The following INPP5A variants were observed in gnomAD, a reference collection of about 807,000 sequenced individuals.
INPP5A encodes inositol polyphosphate-5-phosphatase A.
Under a neutral mutation model 65.2 loss-of-function variants are expected in INPP5A, and 14 were observed. The ratio of observed to expected loss-of-function variants is 0.21; its 90% CI spans 0.14 to 0.34. INPP5A has a LOEUF of 0.34. INPP5A is among the 10% of genes least tolerant of loss of function. INPP5A has a pLI of 1.00. For synonymous variants in INPP5A, 207 were observed against 208.3 expected (o/e 0.99, Z 0.05); for missense variants, 431 against 545.6 (o/e 0.79, Z 2.09).
chr10:132,581,541 C>G (rs1490719496), intron 1 of INPP5A, among the ~76,000 whole-genome samples: 1 of 152,128 alleles, frequency 6.6e-6, no homozygotes, highest in Non-Finnish European at 1.5e-5. Context: ...CCTCACCCTT[C>G]CCCCATTTGG....
chr10:132,712,368 T>C (rs928095647), intron 8 of INPP5A, among the ~76,000 whole-genome samples: 12 of 151,952 alleles, frequency 7.9e-5, no homozygotes, highest in African/African-American at 2.9e-4. Flanking sequence ...TGTTCGTGTG[T>C]GCATGTGTGT....
intron 9 of INPP5A, among the ~76,000 whole-genome samples, chr10:132,728,339 G>A (rs893068726): frequency 3.9e-5 from 6 of 152,236 alleles, no homozygotes; most frequent in Admixed American, 3.3e-4. Context: ...CAAATGGATC[G>A]GTCTCTGGCC....
At chr10:132,769,776 G>T (rs1455358145) in intron 12 of INPP5A, among the ~76,000 whole-genome samples, 2 of 151,568 alleles carry the variant, frequency 1.3e-5, no homozygotes, top group Non-Finnish European at 2.9e-5. Flanking sequence ...CTCAACAGCA[G>T]CCCTGCAGCC....
intron 9 of INPP5A, among the ~76,000 whole-genome samples, chr10:132,731,749 G>A (rs1199061788): frequency 6.1e-5 from 9 of 148,664 alleles, no homozygotes; most frequent in Admixed American, 3.4e-4. Context: ...CCTCCAGTGC[G>A]GGTTTCCTCC....
At chr10:132,565,428 C>T (rs986528868) in intron 1 of INPP5A, among the ~76,000 whole-genome samples, 5 of 152,238 alleles carry the variant, frequency 3.3e-5, no homozygotes, top group Admixed American at 3.3e-4. Flanking sequence ...CCCACCTCAA[C>T]ACAACCTTCC....
At chr10:132,648,214 C>T (rs769869776) in intron 3 of INPP5A, among the ~76,000 whole-genome samples, 3 of 152,262 alleles carry the variant, frequency 2.0e-5, no homozygotes, top group East Asian at 1.9e-4. Flanking sequence ...ACCCTGAGCA[C>T]GGAGGACGCC....
chr10:132,601,283 T>A (rs1280573926), intron 1 of INPP5A, among the ~76,000 whole-genome samples: 1 of 152,280 alleles, frequency 6.6e-6, no homozygotes, highest in Non-Finnish European at 1.5e-5. Context: ...ATGTGCACGT[T>A]GACCATTTCA....
chr10:132,728,826 G>A (rs907813100), intron 9 of INPP5A, among the ~76,000 whole-genome samples: 24 of 152,286 alleles, frequency 1.6e-4, no homozygotes, highest in Admixed American at 1.3e-3. Flanking sequence ...GAGCAGCCGC[G>A]GGAGCCTCCC....
intron 2 of INPP5A, among the ~76,000 whole-genome samples, chr10:132,642,650 G>C (rs991061455): frequency 6.6e-6 from 1 of 152,126 alleles, no homozygotes; most frequent in African/African-American, 2.4e-5. Flanking sequence ...GCCTTTGTTG[G>C]GCTTTGCTGA....
At chr10:132,761,652 C>T (rs1433260267) in intron 11 of INPP5A, among the ~76,000 whole-genome samples, 3 of 152,124 alleles carry the variant, frequency 2.0e-5, no homozygotes, top group Non-Finnish European at 4.4e-5. Flanking sequence ...TGGGTGACTC[C>T]AAGCTGTGGG....
chr10:132,730,461 C>T (rs937334912), intron 9 of INPP5A, among the ~76,000 whole-genome samples: 3 of 152,256 alleles, frequency 2.0e-5, no homozygotes, highest in African/African-American at 7.2e-5. Flanking sequence ...TCCCTCACGC[C>T]CTGTCTGCAG....
chr10:132,780,730 G>A (rs1012456258), intron 13 of INPP5A, 119 bp from the exon 14 acceptor site: 9 of 835,190 alleles, frequency 1.1e-5, no homozygotes, highest in African/African-American at 3.3e-5. Flanking sequence ...GGTACTGGCA[G>A]GGGCCGACAT....
intron 1 of INPP5A, among the ~76,000 whole-genome samples, chr10:132,557,391 G>A (rs756721488): frequency 2.0e-5 from 3 of 152,264 alleles, no homozygotes; most frequent in South Asian, 2.1e-4. Flanking sequence ...CCACACCTGC[G>A]CAGTGTCACC....
intron 2 of INPP5A, among the ~76,000 whole-genome samples, chr10:132,613,069 C>T (rs964080136): frequency 6.6e-6 from 1 of 152,210 alleles, no homozygotes; most frequent in African/African-American, 2.4e-5. Context: ...CTCAGGCCGC[C>T]CAGAATCCCC....
intron 9 of INPP5A, among the ~76,000 whole-genome samples, chr10:132,743,538 C>T (rs1243068283): frequency 6.6e-6 from 1 of 152,266 alleles, no homozygotes; most frequent in African/African-American, 2.4e-5. Context: ...CTCTGCCCCT[C>T]CCTCCATTCA....
chr10:132,702,764 AGT>A (rs570398484), intron 6 of INPP5A, among the ~76,000 whole-genome samples: 181 of 152,352 alleles, frequency 1.2e-3, no homozygotes, highest in African/African-American at 4.2e-3. Context: ...CTCGTTCCAC[AGT>A]GTGCTCTGGG....
chr10:132,558,967 G>A (rs2071164146), intron 1 of INPP5A, among the ~76,000 whole-genome samples: 1 of 152,188 alleles, frequency 6.6e-6, no homozygotes, highest in African/African-American at 2.4e-5. Context: ...CCCTGGTCGA[G>A]CCCAGCCAGC....
Position 132,605,705 on chromosome 10 carries a change from G to T in INPP5A, c.76-2210G>T, listed in dbSNP as rs1021371295. ...CCCTGGGCAGGGCCCCATGGTCACC[G>T]TGGCCGTCACAGTGGCCCCGACTAG... On this transcript the variant is annotated intron_variant, in intron 1 of 15. Coordinates refer to ENST00000368594, the MANE Select transcript of INPP5A (RefSeq NM_005539.5). Among the ~76,000 whole-genome samples the T allele has an allele frequency of 2.0e-5, 3 of 152,038 alleles. No individual in the cohort carries two copies. In the South Asian group the frequency reaches 6.2e-4, roughly 32 times the overall value.
Position 132,743,591 on chromosome 10 carries a change from C to T in INPP5A, c.733-5926C>T, listed in dbSNP as rs182825848. 1.1e-4 allele frequency among the ~76,000 whole-genome samples: 16 copies of T among 152,364 alleles called. No individual in the cohort carries two copies. In the East Asian group the frequency reaches 3.1e-3, roughly 29 times the overall value. On this transcript the variant is annotated intron_variant, in intron 9 of 15. Coordinates refer to ENST00000368594, the MANE Select transcript of INPP5A (RefSeq NM_005539.5). ...TATCAATTGGATGTCTGCAAAGTGC[C>T]AGAGGCAGTTTGCTTCCGAATCAGC...
Sources: allele counts gnomAD v4.1 joint callset (sites outside exome capture counted in the v4.1 genomes callset), GRCh38; gene constraint gnomAD v4.1.1; transcripts MANE v1.5; gene names NCBI Gene and HGNC (gene_info 2026-07-23, HGNC 2026-07-21).